ATP13A2: variants seen among roughly 807,000 people sequenced by gnomAD.
ATP13A2 encodes ATPase cation transporting 13A2, also known as polyamine-transporting ATPase 13A2.
ATP13A2 carries 83 observed loss-of-function variants against 138.3 expected under a neutral mutation model. That is an observed-to-expected ratio of 0.60 (90% CI 0.50 to 0.72). ATP13A2 has a LOEUF of 0.72. Among genes scored for constraint, ATP13A2 ranks in the 30% least tolerant of loss-of-function variants. ATP13A2 has a pLI of 0.00. For synonymous variants in ATP13A2, 663 were observed against 699.0 expected, an observed-to-expected ratio of 0.95 and a Z score of 0.81; for missense variants, 1,402 against 1,606.4, an observed-to-expected ratio of 0.87 and a Z score of 2.17.
rs529175355 is a variant in ATP13A2 at position 16,996,658 on chromosome 1, T to C, written c.1196-162A>G. 6.9e-5 allele frequency: 45 copies of C among 655,096 alleles called. No homozygotes were observed. The South Asian group carries it at 8.2e-4, about 12-fold the overall frequency. The allele number at this position is 655,096 out of a possible 1,614,324, so 40.6% of individuals were successfully genotyped here. A position where few individuals can be genotyped will look rare whatever the true frequency, so the allele number is the denominator to read the frequency against. On this transcript the variant is annotated intron_variant, in intron 12 of 28. Transcript: ENST00000326735. ...CCTAACAGGTCTGGCCCGGCTCTTG[T>C]AGGCTTTTTAAGGGCTTTAAACAAG... is the stretch of plus-strand genomic sequence containing the variant.
intron 8 of ATP13A2, among the ~76,000 whole-genome samples, chr1:17,001,301 G>A (rs904446218): frequency 4.6e-5 from 7 of 150,786 alleles, no homozygotes; most frequent in South Asian, 2.1e-4. Context: ...GGTGGCAGGC[G>A]CCTGTAGTCC....
chr1:17,005,550 T>C lies in ATP13A2; in HGVS notation c.112A>G (p.Ser38Gly), dbSNP rs780883238. Residue 38 changes from serine (S) to glycine (G), a missense_variant, in exon 3 of 29, where the codon AGC becomes GGC. Coordinates refer to ENST00000326735, the MANE Select transcript of ATP13A2 (RefSeq NM_022089.4). ...CTCCATGGACTGCCACAGTAGCCGC[T>C]GAGCCTCTGCGAACGCAGCGAGAGA... The part of the protein sequence containing the change: ...LSSSVSSVRL[S>G]GYCGSPWRVI... The C allele has an allele frequency of 6.2e-7, 1 of 1,614,232 alleles. No homozygotes were observed. The highest frequency in any genetic ancestry group is 8.5e-7 in the Non-Finnish European group (1 of 1,180,050).
Position 16,989,767 on chromosome 1 carries a change from G to C in ATP13A2, c.2533C>G (p.Leu845Val). ...KHFPKLLPKV[L>V]VQGTVFARMA... ...CGGGCAAAGACAGTGCCCTGGACCA[G>C]GACCTGGGAGCACAGGGAGATGGGG... is the stretch of plus-strand genomic sequence containing the variant. Residue 845 changes from leucine to valine, a missense_variant, in exon 23 of 29, where the codon CTG (leucine) becomes GTG (valine). By Grantham distance (32) the Leu-to-Val change is conservative (BLOSUM62 1). Coordinates refer to ENST00000326735, the MANE Select transcript of ATP13A2 (RefSeq NM_022089.4). 6.2e-7 allele frequency: 1 copy of C among 1,614,048 alleles called. No homozygotes were observed. The highest frequency in any genetic ancestry group is 8.5e-7 in the Non-Finnish European group (1 of 1,180,026).
At chr1:16,988,093 C>G in intron 25 of ATP13A2, 45 bp downstream of exon 25, 1 of 1,566,698 alleles carries the variant, frequency 6.4e-7, no homozygotes, top group Non-Finnish European at 8.8e-7. Context: ...TGTCCCCTCC[C>G]TAGTCCTGGG....
At position 17,004,246 on chromosome 1, in the gene ATP13A2, A is replaced by G; in HGVS notation, c.557+86T>C. Reference sequence around the variant, plus strand: ...GCAAAAGCATCAGAGCTGAGAGGGGAGCCCAGGCCATGCCATGCCACCGTC... The same window carrying G: ...GCAAAAGCATCAGAGCTGAGAGGGGGGCCCAGGCCATGCCATGCCACCGTC... On this transcript the variant is annotated intron_variant, in intron 6 of 28. Coordinates refer to ENST00000326735, the MANE Select transcript of ATP13A2 (RefSeq NM_022089.4). This position sits in a 1 kb window ranked among gnomAD's most constrained non-coding sequence, Gnocchi z 4.1. 1 of 1,379,788 alleles carries G rather than the reference A, an allele frequency of 7.2e-7. No individual in the cohort carries two copies. Among genetic ancestry groups the G allele is most frequent in the Non-Finnish European group, 1.0e-6 (1 of 987,542 alleles). The allele number at this position is 1,379,788 out of a possible 1,614,324, so 85.5% of individuals were successfully genotyped here.
intron 16 of ATP13A2, among the ~76,000 whole-genome samples, chr1:16,993,332 C>T (rs2077001253): frequency 6.6e-6 from 1 of 152,186 alleles, no homozygotes; most frequent in Admixed American, 6.5e-5. Context: ...CCTCCCACCT[C>T]AGCCTCCTGG....
Position 16,989,684 on chromosome 1 carries a change from C to A in ATP13A2, c.2609+7G>T. On this transcript the variant is annotated splice_region_variant and intron_variant, in intron 23 of 28. Coordinates refer to ENST00000326735, the MANE Select transcript of ATP13A2 (RefSeq NM_022089.4). ...GCCCTTGCCCACACCCTCTGCCGAG[C>A]ACTCACTGAAGCTTCTGTAGCTCGC... is the stretch of plus-strand genomic sequence containing the variant. 1 of 1,613,986 alleles carries A rather than the reference C, an allele frequency of 6.2e-7. No homozygotes were observed. Among genetic ancestry groups the A allele is most frequent in the East Asian group, 2.2e-5 (1 of 44,880 alleles).
intron 7 of ATP13A2, 48 bp from the exon 8 acceptor site, chr1:17,002,151 G>A (rs756365315): frequency 1.3e-6 from 2 of 1,597,380 alleles, no homozygotes; most frequent in Middle Eastern, 1.7e-4. Flanking sequence ...AGCTGTGGCT[G>A]GACCCTCCCG....
In ATP13A2 at chr1:17,009,621, C is replaced by T. The variant is rs189611212; in HGVS notation, c.10+2108G>A. 7.2e-5 allele frequency among the ~76,000 whole-genome samples: 11 copies of T among 151,984 alleles called. No homozygotes were observed. In the South Asian group the frequency reaches 8.3e-4, roughly 12 times the overall value. On this transcript the variant is annotated intron_variant, in intron 1 of 28. Coordinates refer to ENST00000326735, the MANE Select transcript of ATP13A2 (RefSeq NM_022089.4). ...GTTGCCCAGGCTGATCTTGAACTCC[C>T]GGCCTCATGCTGATCCTCCTACCTC...
intron 6 of ATP13A2, 39 bp from the exon 7 acceptor site, chr1:17,002,412 G>C (rs750836983): frequency 6.3e-7 from 1 of 1,599,536 alleles, no homozygotes; most frequent in Non-Finnish European, 8.5e-7. Flanking sequence ...GGGCCATGGG[G>C]CCTGAGGTCT....
In ATP13A2 at chr1:17,000,456, A is replaced by G; in HGVS notation, c.784T>C (p.Cys262Arg). The change falls in exon 9 of 29, where the codon TGC becomes CGC. Residue 262 changes from cysteine to arginine, a missense_variant. By Grantham distance (180) the Cys-to-Arg change is radical. Transcript: ENST00000326735. ...LADHYYWYALCIFLISSISIC... is the reference protein window; with the variant it reads ...LADHYYWYALRIFLISSISIC... ...GAGATGGAGGAAATGAGGAAGATGC[A>G]CAGGGCGTACCAGTAGTAGTGGTCA... is the stretch of plus-strand genomic sequence containing the variant. 6.2e-7 allele frequency: 1 copy of G among 1,614,092 alleles called. No individual in the cohort carries two copies. The highest frequency in any genetic ancestry group is 8.5e-7 in the Non-Finnish European group (1 of 1,179,980).
chr1:16,988,036 C>G, intron 25 of ATP13A2, 102 bp downstream of exon 25: 2 of 1,067,754 alleles, frequency 1.9e-6, no homozygotes. Context: ...AGGATCTGGG[C>G]CCACGTCATC....
At chr1:17,006,578 C>T (rs986789380) in intron 1 of ATP13A2, among the ~76,000 whole-genome samples, 18 of 152,156 alleles carry the variant, frequency 1.2e-4, no homozygotes, top group Admixed American at 4.6e-4. Flanking sequence ...TTGCGTGTGT[C>T]GGTCTTTCTG....
At chr1:16,989,791 G>A (rs1192848046) in intron 22 of ATP13A2, 21 bp from the exon 23 acceptor site, 2 of 1,613,640 alleles carry the variant, frequency 1.2e-6, no homozygotes, top group Admixed American at 3.3e-5. Context: ...AGGGAGATGG[G>A]GGAGGGCTGA....
rs1030023430 is a variant in ATP13A2, at chr1:17,011,321, G to A, written c.10+408C>T. 7.9e-5 allele frequency among the ~76,000 whole-genome samples: 12 copies of A among 151,742 alleles called. No individual in the cohort carries two copies. Among genetic ancestry groups the A allele is most frequent in the African/African-American group, 2.9e-4 (12 of 41,400 alleles). ...TCATTCATTCATTCAGCCCAGAGGG[G>A]TTGCCCAGAGGCCCGAGGATGCAGC... On this transcript the variant is annotated intron_variant, in intron 1 of 28. Transcript: ENST00000326735. The surrounding 1 kb of genome is among the most constrained non-coding windows in gnomAD (Gnocchi z 7.3).
Position 17,004,826 on chromosome 1 carries a change from G to T in ATP13A2, c.348-5C>A. On this transcript the variant is annotated splice_polypyrimidine_tract_variant and splice_region_variant and intron_variant, in intron 4 of 28. Transcript: ENST00000326735. This position sits in a 1 kb window ranked among gnomAD's most constrained non-coding sequence, Gnocchi z 4.1. Reference sequence around the variant, plus strand: ...GACTGTGGGGACGGCTCCAGGCTGGGGAAGCAGGTGAGGGTTACTCTCGAG... The same window carrying T: ...GACTGTGGGGACGGCTCCAGGCTGGTGAAGCAGGTGAGGGTTACTCTCGAG... 1 of 1,613,666 alleles carries T rather than the reference G, an allele frequency of 6.2e-7. No homozygotes were observed. Among genetic ancestry groups the T allele is most frequent in the South Asian group, 1.1e-5 (1 of 91,078 alleles).
Position 17,000,159 on chromosome 1 carries a change from G to A in ATP13A2, c.908-17C>T. 1.2e-6 allele frequency: 2 copies of A among 1,612,834 alleles called. No homozygotes were observed. Among genetic ancestry groups the A allele is most frequent in the East Asian group, 2.2e-5 (1 of 44,856 alleles). The stretch of plus-strand genomic sequence containing the variant: ...ACTCTTCCTCTGCAGGCAGGCAGGA[G>A]AGGAGCTCAGCTAGGTGGGGCCAGC... On this transcript the variant is annotated splice_polypyrimidine_tract_variant and intron_variant, in intron 10 of 28. Coordinates refer to ENST00000326735, the MANE Select transcript of ATP13A2 (RefSeq NM_022089.4).
chr1:17,008,427 T>C (rs2077646699), intron 1 of ATP13A2, among the ~76,000 whole-genome samples: 1 of 152,180 alleles, frequency 6.6e-6, no homozygotes, highest in African/African-American at 2.4e-5. Flanking sequence ...CCATTTCTCA[T>C]CTCTAGGATG....
chr1:16,999,558 C>G (rs1401424644), intron 11 of ATP13A2, among the ~76,000 whole-genome samples: 2 of 151,912 alleles, frequency 1.3e-5, no homozygotes, highest in Non-Finnish European at 2.9e-5. Flanking sequence ...TGGTAACGGC[C>G]CAGGGGTGTG....
Sources: gnomAD v4.1 joint callset for allele counts (sites outside exome capture counted in the v4.1 genomes callset) on GRCh38, gnomAD v4.1.1 for gene constraint, Gnocchi (gnomAD v3.1) non-coding constraint, MANE v1.5 for transcripts, NCBI Gene and HGNC (gene_info 2026-07-23, HGNC 2026-07-21) for gene names.